SLC35E4: variants seen among roughly 807,000 people sequenced by gnomAD.
SLC35E4 encodes the protein solute carrier family 35 member E4, also known as solute carrier family 35, member E4.
In SLC35E4, 15 loss-of-function variants were observed where a neutral mutation model predicts 19.3. That is an observed-to-expected ratio of 0.78 (90% CI 0.52 to 1.20). The LOEUF (loss-of-function observed/expected upper bound fraction) is 1.20, where lower values mean the gene tolerates loss of function less well. Ranked by LOEUF, SLC35E4 falls within the 50% of genes most tolerant of loss-of-function variation. The pLI is 0.00. For missense variants in SLC35E4, 406 were observed against 472.3 expected (o/e 0.86, Z 1.30); for synonymous variants, 219 against 219.9 (o/e 1.00, Z 0.04).
In SLC35E4 at chr22:30,636,741, G is replaced by A. The variant is rs535383342; in HGVS notation, c.291G>A (p.Gly97=). The A allele has an allele frequency of 1.2e-6, 2 of 1,612,052 alleles. No homozygotes were observed. Among genetic ancestry groups the A allele is most frequent in the Admixed American group, 1.7e-5 (1 of 59,944 alleles). The change falls in exon 1 of 2, where the codon GGG becomes GGA. Residue 97 remains glycine, a synonymous_variant. Coordinates refer to ENST00000343605, the MANE Select transcript of SLC35E4 (RefSeq NM_001001479.4). ...TGGCAGCCCTGGCATGCCACCGGGG[G>A]GCACGGCGCCCCATGCCAGGCGGCA... ...MLVAALACHR[G]ARRPMPGGTR... is the part of the protein sequence containing the mutation.
chr22:30,666,858 T>G (rs1483564906), downstream of SLC35E4: 1 of 152,218 alleles, frequency 6.6e-6, no homozygotes, highest in Non-Finnish European at 1.5e-5. Context: ...AAGAGTTTTC[T>G]CAGGGCTTGG....
downstream of SLC35E4, among the ~76,000 whole-genome samples, chr22:30,666,592 A>G (rs2088673885): frequency 8.2e-6 from 1 of 122,024 alleles, no homozygotes; most frequent in Admixed American, 1.1e-4. Context: ...ACTGCACTCC[A>G]GCCTGGGAGA....
intron 2 of SLC35E4, among the ~76,000 whole-genome samples, chr22:30,657,700 C>T (rs1028217907): frequency 5.3e-5 from 8 of 151,196 alleles, no homozygotes; most frequent in South Asian, 2.1e-4. Flanking sequence ...GTCAGGAGAT[C>T]GAGACAATCC....
chr22:30,636,842 T>C lies in SLC35E4; in HGVS notation c.392T>C (p.Val131Ala). ...MACGNVGLRA[V>A]PLDLAQLVTT... ...TGCGGCAACGTGGGCCTAAGGGCTG[T>C]GCCCCTGGACCTGGCACAACTGGTT... is the stretch of plus-strand genomic sequence containing the variant. The change falls in exon 1 of 2, where the codon GTG (valine) becomes GCG (alanine). Residue 131 changes from valine (V) to alanine (A), a missense_variant. By Grantham distance (64) the Val-to-Ala change is moderately conservative (BLOSUM62 0). Transcript: ENST00000343605. 6.2e-7 allele frequency: 1 copy of C among 1,613,106 alleles called. No homozygotes were observed. The highest frequency in any genetic ancestry group is 8.5e-7 in the Non-Finnish European group (1 of 1,179,630).
At chr22:30,641,971 A>G (rs2088048595) in intron 1 of SLC35E4, among the ~76,000 whole-genome samples, 1 of 152,064 alleles carries the variant, frequency 6.6e-6, no homozygotes, top group Non-Finnish European at 1.5e-5. Context: ...GGAGCCCTGC[A>G]GAGATGGGGA....
downstream of SLC35E4, among the ~76,000 whole-genome samples, chr22:30,650,418 C>A (rs2088190943): frequency 6.6e-6 from 1 of 152,100 alleles, no homozygotes; most frequent in African/African-American, 2.4e-5. Flanking sequence ...ATCGCTTGAG[C>A]CTAGGAGGCA....
intron 1 of SLC35E4, among the ~76,000 whole-genome samples, chr22:30,641,730 T>C (rs867046450): frequency 6.8e-6 from 1 of 147,348 alleles, no homozygotes; most frequent in Admixed American, 6.7e-5. Context: ...TTTTTTTTTT[T>C]TTTTTTTTTT....
Position 30,636,176 on chromosome 22 carries a change from G to A in SLC35E4, c.-275G>A, listed in dbSNP as rs1441215794. 4 of 427,240 alleles carry A rather than the reference G, an allele frequency of 9.4e-6. No homozygotes were observed. Among genetic ancestry groups the A allele is most frequent in the Admixed American group, 3.9e-5 (1 of 25,536 alleles). 26.5% of individuals were successfully genotyped at this position (427,240 alleles called of 1,614,324 possible). On this transcript the variant is annotated 5_prime_UTR_variant, in exon 1 of 2. Coordinates refer to ENST00000343605, the MANE Select transcript of SLC35E4 (RefSeq NM_001001479.4). ...GAGGAAAGTGGAGACCACCTGGCAC[G>A]GGGCAGAGGTGCCTGGAGCCCACGC...
downstream of SLC35E4, among the ~76,000 whole-genome samples, chr22:30,666,004 T>C (rs2088640250): frequency 6.6e-6 from 1 of 152,148 alleles, no homozygotes; most frequent in African/African-American, 2.4e-5. Context: ...AGGCAAATCC[T>C]ACCTGCCAAT....
In SLC35E4 at chr22:30,644,971, A is replaced by C. The variant is rs942646024; in HGVS notation, c.620-1627A>C. Among the ~76,000 whole-genome samples, 3 of 119,682 alleles carry C rather than the reference A, an allele frequency of 2.5e-5. No homozygotes were observed. The Admixed American group carries it at 2.6e-4, about 10-fold the overall frequency. 78.5% of individuals were successfully genotyped at this position (119,682 alleles called of 152,430 possible). ...TGGATTCATCTTGACAAGCCACAGT[A>C]TTAGCAGGAAAAAAAAAAGATGCTG... On this transcript the variant is annotated intron_variant, in intron 1 of 1. Transcript: ENST00000343605.
At chr22:30,643,745 C>T (rs920201170) in intron 1 of SLC35E4, among the ~76,000 whole-genome samples, 3 of 151,956 alleles carry the variant, frequency 2.0e-5, no homozygotes, top group Admixed American at 1.3e-4. Context: ...TCACACAGCC[C>T]GTGAAAGAGC....
downstream of SLC35E4, among the ~76,000 whole-genome samples, chr22:30,651,399 GTATATATATATA>G (rs1427700463): frequency 4.1e-3 from 248 of 61,132 alleles, 4 homozygotes; most frequent in African/African-American, 8.0e-3. Flanking sequence ...GTGTGTGTGT[GTATATATATATA>G]TATATATATA....
At chr22:30,662,424 T>C (rs1194361497) in exon 3 of SLC35E4, 2 of 152,226 alleles carry the variant, frequency 1.3e-5, no homozygotes, top group African/African-American at 4.8e-5. Context: ...GGCCTGTTTT[T>C]CTCATGTGCC....
intron 2 of SLC35E4, chr22:30,654,715 T>G: frequency 2.8e-6 from 1 of 351,770 alleles, no homozygotes; most frequent in Non-Finnish European, 5.5e-6. Context: ...GCCCCCGCAG[T>G]GTACGACCAC....
At chr22:30,666,040 C>A (rs1217720415), downstream of SLC35E4, among the ~76,000 whole-genome samples, 1 of 152,142 alleles carries the variant, frequency 6.6e-6, no homozygotes, top group Non-Finnish European at 1.5e-5. Context: ...GCATCAGGCT[C>A]ATTCCCGGAA....
Position 30,647,047 on chromosome 22 carries a change from A to G in SLC35E4, c.*16A>G, listed in dbSNP as rs1269601943. ...GGGTCTTTGAGACCTGGGGGATCTC[A>G]GGAGCCACCTGGGATGGCCCTGGCC... On this transcript the variant is annotated 3_prime_UTR_variant, in exon 2 of 2. Transcript: ENST00000343605. 6.3e-7 allele frequency: 1 copy of G among 1,575,514 alleles called. No individual in the cohort carries two copies. The highest frequency in any genetic ancestry group is 8.6e-7 in the Non-Finnish European group (1 of 1,162,224).
intron 1 of SLC35E4, among the ~76,000 whole-genome samples, chr22:30,641,697 CA>C (rs2088040316): frequency 6.7e-6 from 1 of 149,388 alleles, no homozygotes; most frequent in African/African-American, 2.5e-5. Flanking sequence ...AGGCTCATGC[CA>C]CCGTCCTGGC....
intron 2 of SLC35E4, among the ~76,000 whole-genome samples, chr22:30,653,347 C>A (rs1454805156): frequency 1.3e-5 from 2 of 151,874 alleles, no homozygotes; most frequent in Non-Finnish European, 2.9e-5. Flanking sequence ...CCGACTGCCA[C>A]AACCCTCATG....
At chr22:30,651,294 AG>A (rs2088204922), downstream of SLC35E4, among the ~76,000 whole-genome samples, 2 of 149,158 alleles carry the variant, frequency 1.3e-5, no homozygotes, top group Admixed American at 1.3e-4. Flanking sequence ...TCTGCCTCCC[AG>A]GTTCAAGTGA....
Sources: allele counts gnomAD v4.1 joint callset (sites outside exome capture counted in the v4.1 genomes callset), GRCh38; gene constraint gnomAD v4.1.1; transcripts MANE v1.5; gene names NCBI Gene and HGNC (gene_info 2026-07-23, HGNC 2026-07-21).